Variants in USH2A observed in about 807,000 individuals in gnomAD.
USH2A encodes usherin.
Under a neutral mutation model 538.9 loss-of-function variants are expected in USH2A, and 443 were observed. The observed-to-expected ratio is 0.82, with a 90% CI of 0.76 to 0.89. USH2A has a LOEUF of 0.89. Ranked by LOEUF, USH2A falls within the 40% of genes least tolerant of loss-of-function variation. The pLI, the probability that USH2A is intolerant of heterozygous loss-of-function variation, is 0.00. For missense variants in USH2A, 6,633 were observed against 6,324.8 expected (o/e 1.05, Z -1.65); for synonymous variants, 2,413 against 2,273.5 (o/e 1.06, Z -1.75).
intron 49 of USH2A, among the ~76,000 whole-genome samples, chr1:215,804,221 T>C (rs886726549): frequency 6.6e-6 from 1 of 151,946 alleles, no homozygotes; most frequent in Non-Finnish European, 1.5e-5. Context: ...GACATAGGCA[T>C]GGGCAAGGAC....
rs576151057 is a variant in USH2A, at chr1:215,715,842, A to G, written c.12066+12188T>C. 8.5e-5 allele frequency among the ~76,000 whole-genome samples: 13 copies of G among 152,336 alleles called. No individual in the cohort carries two copies. In the South Asian group the frequency reaches 2.1e-3, roughly 24 times the overall value. On this transcript the variant is annotated intron_variant, in intron 61 of 71. Coordinates refer to ENST00000307340, the MANE Select transcript of USH2A (RefSeq NM_206933.4). Reference sequence around the variant, plus strand: ...TAGAGCCATGGTTAAACTGTAATTTACACCATTAGGAAGGCAGGAGCAATT... The same window carrying G: ...TAGAGCCATGGTTAAACTGTAATTTGCACCATTAGGAAGGCAGGAGCAATT...
chr1:215,638,710 G>T lies in USH2A; in HGVS notation c.15052+445C>A, dbSNP rs555157125. Among the ~76,000 whole-genome samples the T allele has an allele frequency of 6.6e-5, 10 of 151,954 alleles. No individual in the cohort carries two copies. In the East Asian group the frequency reaches 1.7e-3, roughly 27 times the overall value. On this transcript the variant is annotated intron_variant, in intron 69 of 71. Coordinates refer to ENST00000307340, the MANE Select transcript of USH2A (RefSeq NM_206933.4). ...TAAAAAATTTCTGGCTGGGCACAGT[G>T]GCTCATGCCTGTAATCCTAGCACTT...
chr1:216,236,973 G>A (rs1169157477), intron 13 of USH2A, among the ~76,000 whole-genome samples: 1 of 151,980 alleles, frequency 6.6e-6, no homozygotes, highest in Non-Finnish European at 1.5e-5. Flanking sequence ...CCCAAATAAT[G>A]ACAACTCTGA....
chr1:215,960,903 C>T (rs1667182112), intron 37 of USH2A, among the ~76,000 whole-genome samples: 1 of 151,948 alleles, frequency 6.6e-6, no homozygotes, highest in African/African-American at 2.4e-5. Flanking sequence ...TCTTTCCTGC[C>T]TCATGCACTT....
At chr1:216,366,795 C>CTCAAA (rs769679698) in intron 3 of USH2A, among the ~76,000 whole-genome samples, 2 of 151,960 alleles carry the variant, frequency 1.3e-5, no homozygotes, top group Non-Finnish European at 2.9e-5. Flanking sequence ...TTTAATATAC[C>CTCAAA]TCAAATCATA....
At chr1:216,357,290 T>C (rs544707531) in intron 4 of USH2A, among the ~76,000 whole-genome samples, 1 of 152,300 alleles carries the variant, frequency 6.6e-6, no homozygotes, top group East Asian at 1.9e-4. Flanking sequence ...TATATTCCTA[T>C]ACTCTTCTTC....
At chr1:216,248,284 T>C (rs1217736304) in intron 12 of USH2A, among the ~76,000 whole-genome samples, 4 of 152,074 alleles carry the variant, frequency 2.6e-5, no homozygotes, top group Non-Finnish European at 1.5e-5. Context: ...AAGGTTATTC[T>C]AAAAGATAAA....
intron 58 of USH2A, among the ~76,000 whole-genome samples, chr1:215,746,780 A>G (rs999955775): frequency 1.3e-5 from 2 of 152,140 alleles, no homozygotes; most frequent in African/African-American, 4.8e-5. Flanking sequence ...GTTTCCTTAT[A>G]TATCTTTTGA....
chr1:216,320,061 A>G (rs1558036110), intron 9 of USH2A, among the ~76,000 whole-genome samples: 1 of 152,150 alleles, frequency 6.6e-6, no homozygotes, highest in Non-Finnish European at 1.5e-5. Flanking sequence ...ATAGAAATAT[A>G]AGCATTTTAT....
chr1:216,315,568 A>G (rs547227641), intron 9 of USH2A, among the ~76,000 whole-genome samples: 4 of 152,278 alleles, frequency 2.6e-5, no homozygotes, highest in African/African-American at 7.2e-5. Flanking sequence ...TCATCAAACT[A>G]TATATTTTTA....
chr1:215,962,675 A>T (rs199840602), intron 37 of USH2A, among the ~76,000 whole-genome samples: 2 of 145,974 alleles, frequency 1.4e-5, no homozygotes, highest in Non-Finnish European at 3.0e-5. Context: ...ACACACACAC[A>T]CCTATAAGAC....
At chr1:216,379,886 AG>A (rs1450670661) in intron 3 of USH2A, among the ~76,000 whole-genome samples, 1 of 152,226 alleles carries the variant, frequency 6.6e-6, no homozygotes, top group African/African-American at 2.4e-5. Context: ...TTAAAGGACA[AG>A]TTTATCAAAG....
At chr1:216,262,848 A>G (rs907517977) in intron 11 of USH2A, among the ~76,000 whole-genome samples, 3 of 152,050 alleles carry the variant, frequency 2.0e-5, no homozygotes, top group Non-Finnish European at 4.4e-5. Flanking sequence ...CAACAAAACA[A>G]AAAGTTGATA....
intron 30 of USH2A, among the ~76,000 whole-genome samples, chr1:216,065,544 A>G (rs1314254091): frequency 6.6e-6 from 1 of 152,204 alleles, no homozygotes; most frequent in Non-Finnish European, 1.5e-5. Flanking sequence ...AAACATGTAT[A>G]TTATTCTTCA....
At chr1:216,173,982 G>C (rs1483745695) in intron 21 of USH2A, 1 of 984,662 alleles carries the variant, frequency 1.0e-6, no homozygotes, top group Non-Finnish European at 1.2e-6. Flanking sequence ...CAGAAGTTGA[G>C]CATTTTTAGC....
intron 46 of USH2A, 52 bp from the exon 47 acceptor site, chr1:215,838,155 C>T: frequency 7.2e-7 from 1 of 1,389,830 alleles, no homozygotes; most frequent in Middle Eastern, 1.8e-4. Flanking sequence ...GAAATACTTA[C>T]TAACAATAGT....
rs2036143876 is a variant in USH2A, at chr1:216,250,828, G to A, written c.2167+75C>T. The A allele has an allele frequency of 4.6e-6, 7 of 1,526,198 alleles. No individual in the cohort carries two copies. The South Asian group carries it at 5.9e-5, about 13-fold the overall frequency. 94.5% of individuals were successfully genotyped at this position (1,526,198 alleles called of 1,614,324 possible). On this transcript the variant is annotated intron_variant, in intron 12 of 71. Coordinates refer to ENST00000307340, the MANE Select transcript of USH2A (RefSeq NM_206933.4). The stretch of plus-strand genomic sequence containing the variant: ...GCAAAGAAATTTGCTTTACTCTTCA[G>A]TTAAGAAATCAAATAGAGAATTTTA...
intron 9 of USH2A, among the ~76,000 whole-genome samples, chr1:216,306,682 C>A (rs1242160019): frequency 6.6e-6 from 1 of 152,196 alleles, no homozygotes; most frequent in Non-Finnish European, 1.5e-5. Flanking sequence ...TGTTCAGATT[C>A]TTTCTTCCCA....
intron 61 of USH2A, among the ~76,000 whole-genome samples, chr1:215,682,991 C>T (rs967503044): frequency 2.0e-5 from 3 of 151,778 alleles, no homozygotes; most frequent in African/African-American, 7.3e-5. Flanking sequence ...CTGGAGTAGC[C>T]GGGACTACAG....
Sources: allele counts gnomAD v4.1 joint callset (sites outside exome capture counted in the v4.1 genomes callset), GRCh38; gene constraint gnomAD v4.1.1; transcripts MANE v1.5; gene names NCBI Gene and HGNC (gene_info 2026-07-23, HGNC 2026-07-21).